The following ATXN7L1 variants were observed in gnomAD, a reference collection of about 807,000 sequenced individuals.
ATXN7L1 encodes ataxin-7-like protein 1.
Under a neutral mutation model 70.8 loss-of-function variants are expected in ATXN7L1, and 15 were observed. The observed-to-expected ratio is 0.21, with a 90% confidence interval of 0.14 to 0.33. The LOEUF is 0.33. Among genes scored for constraint, ATXN7L1 ranks in the 10% least tolerant of loss-of-function variants. ATXN7L1 has a pLI of 1.00. For synonymous variants in ATXN7L1, 440 were observed against 445.1 expected (o/e 0.99, Z 0.14); for missense variants, 975 against 1,097.1 (o/e 0.89, Z 1.57).
chr7:105,781,371 A>G (rs914080613), intron 3 of ATXN7L1, among the ~76,000 whole-genome samples: 12 of 152,210 alleles, frequency 7.9e-5, no homozygotes, highest in Non-Finnish European at 1.5e-4. Flanking sequence ...AATAGTCCAA[A>G]TTGACTGAAA....
chr7:105,649,439 C>A (rs1168244675), intron 4 of ATXN7L1: 17 of 987,672 alleles, frequency 1.7e-5, no homozygotes. Context: ...TAGTTGCCCA[C>A]GTCTTCTTCC....
At chr7:105,795,920 G>A (rs1366405798) in intron 2 of ATXN7L1, among the ~76,000 whole-genome samples, 1 of 152,164 alleles carries the variant, frequency 6.6e-6, no homozygotes, top group Non-Finnish European at 1.5e-5. Flanking sequence ...TAATGCTATA[G>A]CTATTAACAT....
chr7:105,737,842 G>T (rs568399461), intron 3 of ATXN7L1, among the ~76,000 whole-genome samples: 5 of 152,184 alleles, frequency 3.3e-5, no homozygotes, highest in Non-Finnish European at 7.3e-5. Flanking sequence ...GAATTTTGTG[G>T]CTGGAAGGTG....
chr7:105,733,856 A>T (rs1333589772), intron 3 of ATXN7L1, among the ~76,000 whole-genome samples: 23 of 143,646 alleles, frequency 1.6e-4, no homozygotes, highest in African/African-American at 4.6e-4. Flanking sequence ...CCATCCATCC[A>T]TCCATCCATC....
In ATXN7L1 at chr7:105,613,935, C is replaced by T. The variant is rs61749986; in HGVS notation, c.2399G>A (p.Ser800Asn). 5,281 of 1,552,252 alleles carry T rather than the reference C, an allele frequency of 3.4e-3. 136 individuals are homozygous for T. In the African/African-American group the frequency reaches 0.057, roughly 17 times the overall value. The change falls in exon 10 of 12, where the codon AGC (serine) becomes AAC (asparagine). Residue 800 changes from serine to asparagine, a missense_variant. Physicochemically the swap from Ser to Asn is conservative, Grantham distance 46 (BLOSUM62 1). Transcript: ENST00000419735. ...CKITKMPGMN[S>N]VHKKNPPSLL... Reference sequence around the variant, plus strand: ...GCTGGGCGGGTTCTTTTTGTGAACGCTATTCATACCAGGCATTTTAGTGAT... The same window carrying T: ...GCTGGGCGGGTTCTTTTTGTGAACGTTATTCATACCAGGCATTTTAGTGAT...
At chr7:105,727,777 T>TATATATATATATATACACACAC (rs1462125950) in intron 3 of ATXN7L1, among the ~76,000 whole-genome samples, 1 of 90,246 alleles carries the variant, frequency 1.1e-5, no homozygotes, top group African/African-American at 6.1e-5. Context: ...TATATATATA[T>TATATATATATATATACACACAC]ACACACACAT....
intron 3 of ATXN7L1, among the ~76,000 whole-genome samples, chr7:105,766,227 T>C (rs961339549): frequency 1.3e-5 from 2 of 151,198 alleles, no homozygotes; most frequent in Admixed American, 6.6e-5. Context: ...TTTATCGATA[T>C]ATAAGCAACA....
intron 5 of ATXN7L1, 75 bp from the exon 6 acceptor site, chr7:105,639,644 TA>T (rs1220951897): frequency 2.8e-6 from 3 of 1,055,386 alleles, no homozygotes; most frequent in Non-Finnish European, 4.2e-6. Flanking sequence ...CTACATTTTT[TA>T]AAAAATGCAC....
intron 3 of ATXN7L1, among the ~76,000 whole-genome samples, chr7:105,741,209 T>C (rs1471202791): frequency 1.3e-5 from 2 of 152,128 alleles, no homozygotes; most frequent in African/African-American, 2.4e-5. Context: ...ACTGTGGGCC[T>C]CCTCTCAGGA....
chr7:105,773,719 A>T (rs377287099), intron 3 of ATXN7L1, among the ~76,000 whole-genome samples: 3 of 152,164 alleles, frequency 2.0e-5, no homozygotes, highest in Non-Finnish European at 2.9e-5. Flanking sequence ...TACCAGTCCA[A>T]TGCAACTCCA....
At chr7:105,830,382 C>T (rs1193066348) in intron 2 of ATXN7L1, among the ~76,000 whole-genome samples, 1 of 152,268 alleles carries the variant, frequency 6.6e-6, no homozygotes, top group African/African-American at 2.4e-5. Flanking sequence ...AACCACTGCC[C>T]CATACCTGTG....
At chr7:105,852,734 T>C (rs773394861) in intron 2 of ATXN7L1, among the ~76,000 whole-genome samples, 5 of 151,540 alleles carry the variant, frequency 3.3e-5, no homozygotes, top group Non-Finnish European at 7.4e-5. Context: ...CGCTCACAGA[T>C]AGAAACAGGT....
intron 3 of ATXN7L1, chr7:105,760,618 T>G: frequency 1.1e-6 from 1 of 945,244 alleles, no homozygotes; most frequent in Non-Finnish European, 1.3e-6. Flanking sequence ...ACAGAGCTTG[T>G]GGCTGAGTTG....
chr7:105,778,787 A>C (rs1385738805), intron 3 of ATXN7L1, among the ~76,000 whole-genome samples: 1 of 152,220 alleles, frequency 6.6e-6, no homozygotes, highest in Non-Finnish European at 1.5e-5. Flanking sequence ...TACCCACTCC[A>C]TCTCTTCTAC....
chr7:105,865,696 C>T (rs1005232999), intron 2 of ATXN7L1, among the ~76,000 whole-genome samples: 6 of 152,138 alleles, frequency 3.9e-5, no homozygotes, highest in Non-Finnish European at 7.3e-5. Context: ...CCACTGCACC[C>T]GGGCCATTTT....
intron 2 of ATXN7L1, among the ~76,000 whole-genome samples, chr7:105,791,707 G>A (rs1343800774): frequency 2.6e-5 from 4 of 152,092 alleles, no homozygotes; most frequent in Non-Finnish European, 2.9e-5. Context: ...ATCTCATTTC[G>A]ACTTAAAGTC....
intron 3 of ATXN7L1, among the ~76,000 whole-genome samples, chr7:105,767,543 C>G (rs1468700662): frequency 6.6e-6 from 1 of 152,190 alleles, no homozygotes; most frequent in Non-Finnish European, 1.5e-5. Context: ...CAGAGAAGTG[C>G]CTTGCTGTGT....
chr7:105,669,764 A>G (rs2051677260), intron 3 of ATXN7L1, among the ~76,000 whole-genome samples: 1 of 152,090 alleles, frequency 6.6e-6, no homozygotes, highest in South Asian at 2.1e-4. Context: ...TACTAAAAAT[A>G]CAAAATTAGC....
chr7:105,681,208 C>T (rs1033499348), intron 3 of ATXN7L1, among the ~76,000 whole-genome samples: 1 of 152,012 alleles, frequency 6.6e-6, no homozygotes, highest in Non-Finnish European at 1.5e-5. Flanking sequence ...GGGTGGATCA[C>T]GAGGTCAGGA....
Sources: allele counts gnomAD v4.1 joint callset (sites outside exome capture counted in the v4.1 genomes callset), GRCh38; gene constraint gnomAD v4.1.1; transcripts MANE v1.5; gene names NCBI Gene and HGNC (gene_info 2026-07-23, HGNC 2026-07-21).